GALNTL6: variants seen among roughly 807,000 people sequenced by gnomAD.
The protein encoded by GALNTL6 is polypeptide N-acetylgalactosaminyltransferase like 6.
A neutral mutation model predicts 73.7 loss-of-function variants in GALNTL6; 46 were observed. The observed-to-expected ratio is 0.62, with a 90% CI of 0.49 to 0.80. The LOEUF is 0.80. Ranked by LOEUF, GALNTL6 falls within the 30% of genes least tolerant of loss-of-function variation. The pLI is 0.00. For missense variants in GALNTL6, 604 were observed against 755.0 expected (o/e 0.80, Z 2.34); for synonymous variants, 259 against 263.7 (o/e 0.98, Z 0.17).
At chr4:171,963,188 G>C (rs1467968545) in intron 2 of GALNTL6, among the ~76,000 whole-genome samples, 1 of 151,824 alleles carries the variant, frequency 6.6e-6, no homozygotes, top group Non-Finnish European at 1.5e-5. Context: ...AAAGATGCTA[G>C]AAATCAAAAG....
At chr4:172,873,926 G>A (rs1579594455) in intron 7 of GALNTL6, among the ~76,000 whole-genome samples, 1 of 152,198 alleles carries the variant, frequency 6.6e-6, no homozygotes, top group African/African-American at 2.4e-5. Flanking sequence ...AATTGCCTTT[G>A]AGTTGCAATC....
At chr4:172,671,299 A>G (rs1236566958) in intron 5 of GALNTL6, among the ~76,000 whole-genome samples, 1 of 151,996 alleles carries the variant, frequency 6.6e-6, no homozygotes, top group Non-Finnish European at 1.5e-5. Flanking sequence ...ATGTTTTTCC[A>G]TTTGTTTGTG....
In GALNTL6 at chr4:173,040,229, C is replaced by T; in HGVS notation, c.*129C>T. ...GGCTGGTTTAAAAATTTGCAAATGC[C>T]ATGTCAAAGTAGGTTGTTTTGAAGA... On this transcript the variant is annotated 3_prime_UTR_variant, in exon 13 of 13. Transcript: ENST00000506823. 1.6e-6 allele frequency: 1 copy of T among 631,354 alleles called. No homozygotes were observed. The highest frequency in any genetic ancestry group is 2.6e-6 in the Non-Finnish European group (1 of 380,560). 39.1% of individuals were successfully genotyped at this position (631,354 alleles called of 1,614,324 possible).
chr4:172,332,346 A>G lies in GALNTL6; in HGVS notation c.387-16177A>G, dbSNP rs188627757. Reference sequence around the variant, plus strand: ...AGTGTCCGTCACTTGAGTGCAATACATTTTTAAGCATAGGCACCCTACTCT... The same window carrying G: ...AGTGTCCGTCACTTGAGTGCAATACGTTTTTAAGCATAGGCACCCTACTCT... On this transcript the variant is annotated intron_variant, in intron 4 of 12. Coordinates refer to ENST00000506823, the MANE Select transcript of GALNTL6 (RefSeq NM_001034845.3). 8.0e-4 allele frequency among the ~76,000 whole-genome samples: 121 copies of G among 152,160 alleles called. 2 individuals carry two copies. In the South Asian group the frequency reaches 0.016, roughly 20 times the overall value.
chr4:172,145,125 TTTA>T (rs1230568783), intron 2 of GALNTL6, among the ~76,000 whole-genome samples: 1 of 151,684 alleles, frequency 6.6e-6, no homozygotes, highest in Non-Finnish European at 1.5e-5. Flanking sequence ...ACCCAGTTAA[TTTA>T]TTATTATTAT....
At chr4:172,368,144 G>T (rs1742637607) in intron 5 of GALNTL6, among the ~76,000 whole-genome samples, 1 of 152,116 alleles carries the variant, frequency 6.6e-6, no homozygotes, top group South Asian at 2.1e-4. Flanking sequence ...ACTTTGGGAG[G>T]CCAAGGCAGG....
intron 8 of GALNTL6, among the ~76,000 whole-genome samples, chr4:172,904,080 G>A (rs893789214): frequency 1.3e-5 from 2 of 152,014 alleles, no homozygotes; most frequent in African/African-American, 4.8e-5. Flanking sequence ...TTCTGTTTTT[G>A]TAACTGTATG....
chr4:172,019,341 A>AT (rs564488253), intron 2 of GALNTL6, among the ~76,000 whole-genome samples: 1 of 151,972 alleles, frequency 6.6e-6, no homozygotes, highest in Non-Finnish European at 1.5e-5. Context: ...ATCATGTTAG[A>AT]TTTTTTTCCA....
chr4:172,813,392 A>G, intron 6 of GALNTL6, 148 bp from the exon 7 acceptor site: 1 of 531,922 alleles, frequency 1.9e-6, no homozygotes, highest in Non-Finnish European at 3.3e-6. Context: ...CAGAATTCAG[A>G]GATTCCTGAA....
At chr4:172,138,686 C>T (rs1466057808) in intron 2 of GALNTL6, among the ~76,000 whole-genome samples, 6 of 149,094 alleles carry the variant, frequency 4.0e-5, no homozygotes, top group South Asian at 4.3e-4. Context: ...CCTGCCACCA[C>T]GCCCGGCTAA....
chr4:171,875,659 C>A (rs1736258082), intron 2 of GALNTL6, among the ~76,000 whole-genome samples: 1 of 151,872 alleles, frequency 6.6e-6, no homozygotes, highest in African/African-American at 2.4e-5. Flanking sequence ...CAGCATGTAG[C>A]TAGTGACATT....
At chr4:172,177,813 G>C (rs548030220) in intron 2 of GALNTL6, among the ~76,000 whole-genome samples, 1 of 121,038 alleles carries the variant, frequency 8.3e-6, no homozygotes, top group Non-Finnish European at 1.6e-5. Context: ...ACACATATAT[G>C]TGTGTGTATA....
chr4:172,202,975 G>C (rs1294371185), intron 2 of GALNTL6, among the ~76,000 whole-genome samples: 1 of 152,126 alleles, frequency 6.6e-6, no homozygotes, highest in Non-Finnish European at 1.5e-5. Flanking sequence ...TGTTTAAGTT[G>C]AATTTGATTA....
At chr4:172,197,558 C>T (rs1331735109) in intron 2 of GALNTL6, among the ~76,000 whole-genome samples, 2 of 152,122 alleles carry the variant, frequency 1.3e-5, no homozygotes, top group Non-Finnish European at 2.9e-5. Context: ...AAGCTAGTAA[C>T]CAAAACAGCA....
intron 3 of GALNTL6, among the ~76,000 whole-genome samples, chr4:172,262,294 A>G (rs1738284133): frequency 6.6e-6 from 1 of 151,418 alleles, no homozygotes. Flanking sequence ...TTGTTTTATA[A>G]ATTTGGGAGC....
chr4:172,889,850 G>A (rs186504427), intron 8 of GALNTL6, among the ~76,000 whole-genome samples: 2 of 152,136 alleles, frequency 1.3e-5, no homozygotes, highest in East Asian at 1.9e-4. Flanking sequence ...TTCGTTGTAT[G>A]GTTGGTAAAA....
rs542999184 is a variant in GALNTL6, at chr4:172,317,285, T to C, written c.386+5533T>C. On this transcript the variant is annotated intron_variant, in intron 4 of 12. Coordinates refer to ENST00000506823, the MANE Select transcript of GALNTL6 (RefSeq NM_001034845.3). ...ATATATTGACTTGCATGACTTGCAT[T>C]GTGATGCTGAACAAGTCCAATTGCG... is the stretch of plus-strand genomic sequence containing the variant. Among the ~76,000 whole-genome samples the C allele has an allele frequency of 7.2e-5, 11 of 152,356 alleles. No homozygotes were observed. In the South Asian group the frequency reaches 2.3e-3, roughly 32 times the overall value.
intron 2 of GALNTL6, among the ~76,000 whole-genome samples, chr4:172,167,362 G>A (rs1018731851): frequency 6.6e-6 from 1 of 152,134 alleles, no homozygotes; most frequent in African/African-American, 2.4e-5. Flanking sequence ...TTAGAAGATG[G>A]TATGCATATG....
intron 5 of GALNTL6, among the ~76,000 whole-genome samples, chr4:172,568,131 T>C (rs1736626269): frequency 1.3e-5 from 2 of 152,202 alleles, no homozygotes. Context: ...CAAAAATGGA[T>C]GTATCTTTTC....
Sources: gnomAD v4.1 joint callset for allele counts (sites outside exome capture counted in the v4.1 genomes callset) on GRCh38, gnomAD v4.1.1 for gene constraint, MANE v1.5 for transcripts, NCBI Gene and HGNC (gene_info 2026-07-23, HGNC 2026-07-21) for gene names.